PRDM16: variants seen among roughly 807,000 people sequenced by gnomAD.
PRDM16 encodes the protein PR/SET domain 16.
A neutral mutation model predicts 110.6 loss-of-function variants in PRDM16; 23 were observed. That is an observed-to-expected ratio of 0.21 (90% CI 0.15 to 0.29). The LOEUF is 0.29. PRDM16 is among the 10% of genes least tolerant of loss of function. The pLI is 1.00. For missense variants in PRDM16, 1,615 were observed against 1,794.3 expected (o/e 0.90, Z 1.81); for synonymous variants, 799 against 781.8 (o/e 1.02, Z -0.37).
intron 2 of PRDM16, among the ~76,000 whole-genome samples, chr1:3,216,251 C>T (rs1259065506): frequency 6.6e-6 from 1 of 152,148 alleles, no homozygotes; most frequent in Non-Finnish European, 1.5e-5. Context: ...TCCAGGCCCC[C>T]GAGATGCTGA....
intron 1 of PRDM16, among the ~76,000 whole-genome samples, chr1:3,114,337 C>T (rs114876981): frequency 2.2e-3 from 318 of 144,668 alleles, no homozygotes; most frequent in African/African-American, 6.8e-3. Flanking sequence ...TGTAAACAGA[C>T]GCGCACGCAT....
chr1:3,373,578 C>A (rs940343587), intron 3 of PRDM16, among the ~76,000 whole-genome samples: 3 of 152,220 alleles, frequency 2.0e-5, no homozygotes, highest in Non-Finnish European at 2.9e-5. Context: ...GCCACAGAAC[C>A]AGGCCTGGTC....
At chr1:3,228,248 C>G (rs796673808) in intron 2 of PRDM16, among the ~76,000 whole-genome samples, 1 of 152,198 alleles carries the variant, frequency 6.6e-6, no homozygotes. Flanking sequence ...GATGCACTTG[C>G]GTTCACTCGC....
In PRDM16 at chr1:3,157,136, G is replaced by C. The variant is rs138620333; in HGVS notation, c.38-28989G>C. ...AGGGCAGGGAGTGTTAGCACCTGCC[G>C]GGCTCAGCCTGGGCGGCTCAGAGGG... On this transcript the variant is annotated intron_variant, in intron 1 of 16. Coordinates refer to ENST00000270722, the MANE Select transcript of PRDM16 (RefSeq NM_022114.4). This position sits in a 1 kb window ranked among gnomAD's most constrained non-coding sequence, Gnocchi z 4.8. 3.3e-5 allele frequency among the ~76,000 whole-genome samples: 5 copies of C among 152,164 alleles called. No individual in the cohort carries two copies. The highest frequency in any genetic ancestry group is 1.2e-4 in the African/African-American group (5 of 41,446).
intron 1 of PRDM16, among the ~76,000 whole-genome samples, chr1:3,125,136 A>G (rs1643178369): frequency 6.6e-6 from 1 of 152,276 alleles, no homozygotes; most frequent in African/African-American, 2.4e-5. Flanking sequence ...GCTAAGGCAC[A>G]GTCACCAGCC....
intron 3 of PRDM16, 67 bp from the exon 4 acceptor site, chr1:3,385,085 C>A: frequency 6.3e-7 from 1 of 1,585,640 alleles, no homozygotes. Flanking sequence ...TCTGGGTGGG[C>A]AGAGGCTGTG....
In PRDM16 at chr1:3,069,273, C is replaced by A; in HGVS notation, c.14C>A (p.Ala5Glu). The A allele has an allele frequency of 6.4e-7, 1 of 1,563,120 alleles. No homozygotes were observed. Among genetic ancestry groups the A allele is most frequent in the South Asian group, 1.2e-5 (1 of 86,344 alleles). MRSK[A>E]RARKLAKSDG... The stretch of plus-strand genomic sequence containing the variant: ...CGAGCCGACACCATGCGATCCAAGG[C>A]GAGGGCGAGGAAGCTAGCCAAAAGT... Residue 5 changes from alanine to glutamate, a missense_variant, in exon 1 of 17, where the codon GCG becomes GAG. Transcript: ENST00000270722. This position sits in a 1 kb window ranked among gnomAD's most constrained non-coding sequence, Gnocchi z 6.1.
At chr1:3,094,698 T>G (rs183125518) in intron 1 of PRDM16, among the ~76,000 whole-genome samples, 4 of 152,348 alleles carry the variant, frequency 2.6e-5, no homozygotes, top group African/African-American at 9.6e-5. Flanking sequence ...CACGCAGACA[T>G]TCTGTGAGCA....
intron 1 of PRDM16, among the ~76,000 whole-genome samples, chr1:3,173,291 C>T (rs1318893584): frequency 6.6e-6 from 1 of 152,200 alleles, no homozygotes; most frequent in Non-Finnish European, 1.5e-5. Context: ...GGCTTTTTAC[C>T]CGGAACAAGG....
intron 3 of PRDM16, among the ~76,000 whole-genome samples, chr1:3,360,516 T>G (rs1001045032): frequency 6.6e-6 from 1 of 152,144 alleles, no homozygotes; most frequent in Admixed American, 6.5e-5. Flanking sequence ...AAGTGCGGGA[T>G]GGACTGTGGC....
At chr1:3,391,026 G>C (rs1039482602) in intron 4 of PRDM16, among the ~76,000 whole-genome samples, 22 of 152,084 alleles carry the variant, frequency 1.4e-4, no homozygotes, top group Admixed American at 1.1e-3. Flanking sequence ...AGTAGAGACA[G>C]GGTTTCACCA....
rs370046582 is a variant in PRDM16 at position 3,412,773 on chromosome 1, C to T, written c.2576C>T (p.Ser859Leu). 7.6e-5 allele frequency: 113 copies of T among 1,484,470 alleles called. No homozygotes were observed. The African/African-American group carries it at 1.3e-3, about 17-fold the overall frequency. The allele number at this position is 1,484,470 out of a possible 1,614,324, so 92.0% of individuals were successfully genotyped here. A position where few individuals can be genotyped will look rare whatever the true frequency, so the allele number is the denominator to read the frequency against. ...CCCCCGCTCCACTACGCCAAGCCCT[C>T]GCCCTTCTTCATGGACCCCATCTAC... ...QQPPLHYAKP[S>L]PFFMDPIYSR... The change falls in exon 9 of 17, where the codon TCG becomes TTG. Residue 859 changes from serine (S) to leucine (L), a missense_variant. By Grantham distance (145) the Ser-to-Leu change is moderately radical (BLOSUM62 -2). This residue lies in a region of PRDM16 where 772 missense variants were observed against 748.3 expected (regional missense o/e 1.03). Coordinates refer to ENST00000270722, the MANE Select transcript of PRDM16 (RefSeq NM_022114.4).
At chr1:3,366,087 G>A (rs1231341542) in intron 3 of PRDM16, among the ~76,000 whole-genome samples, 2 of 152,240 alleles carry the variant, frequency 1.3e-5, no homozygotes, top group Non-Finnish European at 2.9e-5. Flanking sequence ...CTGGGAAGAT[G>A]GCGAAGAGGT....
At chr1:3,101,141 T>C (rs1479743612) in intron 1 of PRDM16, among the ~76,000 whole-genome samples, 1 of 152,042 alleles carries the variant, frequency 6.6e-6, no homozygotes, top group Admixed American at 6.6e-5. Context: ...GCCCCTTCGG[T>C]CTGGGGAACA....
chr1:3,389,502 G>A (rs1643257340), intron 4 of PRDM16, among the ~76,000 whole-genome samples: 1 of 152,200 alleles, frequency 6.6e-6, no homozygotes, highest in Non-Finnish European at 1.5e-5. Flanking sequence ...CCTGGCCCCA[G>A]GGGACCTCTT....
chr1:3,082,580 A>T (rs965728215), intron 1 of PRDM16, among the ~76,000 whole-genome samples: 2 of 152,068 alleles, frequency 1.3e-5, no homozygotes, highest in Admixed American at 1.3e-4. Context: ...TCCGAGGGTC[A>T]CTCCTGGACT....
intron 1 of PRDM16, among the ~76,000 whole-genome samples, chr1:3,156,633 G>A (rs752563018): frequency 4.6e-5 from 7 of 152,190 alleles, no homozygotes; most frequent in Non-Finnish European, 7.3e-5. Context: ...CTGGGAAGGA[G>A]GGAAACAAAT....
rs1348469425 is a variant in PRDM16 at position 3,353,142 on chromosome 1, A to G, written c.439-32010A>G. On this transcript the variant is annotated intron_variant, in intron 3 of 16. Coordinates refer to ENST00000270722, the MANE Select transcript of PRDM16 (RefSeq NM_022114.4). This position sits in a 1 kb window ranked among gnomAD's most constrained non-coding sequence, Gnocchi z 5.4. The stretch of plus-strand genomic sequence containing the variant: ...TGGCCCCCAGCCCAGACTCCCACGC[A>G]GGGACGTCCCTCACAGCAGGATTTG... 2.0e-5 allele frequency among the ~76,000 whole-genome samples: 3 copies of G among 152,220 alleles called. No individual in the cohort carries two copies. Among genetic ancestry groups the G allele is most frequent in the Non-Finnish European group, 4.4e-5 (3 of 68,026 alleles).
At chr1:3,185,856 G>C (rs1443407721) in intron 1 of PRDM16, among the ~76,000 whole-genome samples, 1 of 152,222 alleles carries the variant, frequency 6.6e-6, no homozygotes, top group African/African-American at 2.4e-5. Context: ...GTGAGCCAGG[G>C]TGTGTCGGGC....
Sources: gnomAD v4.1 joint callset for allele counts (sites outside exome capture counted in the v4.1 genomes callset) on GRCh38, gnomAD v4.1.1 for gene constraint, gnomAD v4.1.1 regional missense constraint, Gnocchi (gnomAD v3.1) non-coding constraint, MANE v1.5 for transcripts, NCBI Gene and HGNC (gene_info 2026-07-23, HGNC 2026-07-21) for gene names.